EML6: variants seen among roughly 807,000 people sequenced by gnomAD.
EML6 encodes the protein EMAP like 6, also known as echinoderm microtubule-associated protein-like 6.
A neutral mutation model predicts 240.1 loss-of-function variants in EML6; 154 were observed. The observed-to-expected ratio is 0.64, with a 90% confidence interval of 0.56 to 0.73. EML6 has a LOEUF of 0.73. Ranked by LOEUF, EML6 falls within the 30% of genes least tolerant of loss-of-function variation. The pLI is 0.00. For missense variants in EML6, 2,964 were observed against 2,474.6 expected (o/e 1.20, Z -4.20); for synonymous variants, 1,148 against 899.0 (o/e 1.28, Z -4.95).
intron 16 of EML6, 73 bp downstream of exon 16, chr2:54,871,678 C>A: frequency 9.5e-7 from 1 of 1,051,542 alleles, no homozygotes; most frequent in Non-Finnish European, 1.4e-6. Context: ...ATGCCCCGCG[C>A]ATGCGCGCAC....
chr2:54,836,612 A>G (rs1020882674), intron 7 of EML6, among the ~76,000 whole-genome samples: 1 of 151,932 alleles, frequency 6.6e-6, no homozygotes, highest in African/African-American at 2.4e-5. Context: ...TACACACTCT[A>G]CACACAGGAT....
intron 5 of EML6, among the ~76,000 whole-genome samples, chr2:54,823,920 C>T (rs1668463577): frequency 6.8e-6 from 1 of 148,134 alleles, no homozygotes. Flanking sequence ...TCACTACCTC[C>T]TAAATTAAAG....
chr2:54,816,321 T>TG (rs1668080652), intron 3 of EML6, among the ~76,000 whole-genome samples: 2 of 152,342 alleles, frequency 1.3e-5, no homozygotes, highest in East Asian at 1.9e-4. Flanking sequence ...TAAATGTTTG[T>TG]GAAATTATAG....
intron 7 of EML6, among the ~76,000 whole-genome samples, chr2:54,834,768 C>T (rs1164399102): frequency 2.0e-5 from 3 of 152,204 alleles, no homozygotes; most frequent in African/African-American, 7.2e-5. Flanking sequence ...ATGAGATGCC[C>T]TGCTTAGACT....
chr2:54,887,954 A>G (rs746285786), intron 17 of EML6, among the ~76,000 whole-genome samples: 3 of 152,180 alleles, frequency 2.0e-5, no homozygotes, highest in Non-Finnish European at 4.4e-5. Flanking sequence ...ATTAGCATTC[A>G]CTTGTTTTGT....
intron 28 of EML6, among the ~76,000 whole-genome samples, chr2:54,940,032 A>G (rs763851897): frequency 1.1e-4 from 16 of 152,202 alleles, no homozygotes; most frequent in Non-Finnish European, 1.9e-4. Context: ...CTGTCAATCT[A>G]TGGCATATGT....
At chr2:54,937,953 G>A (rs529796534) in intron 28 of EML6, among the ~76,000 whole-genome samples, 4 of 152,286 alleles carry the variant, frequency 2.6e-5, no homozygotes, top group South Asian at 2.1e-4. Context: ...CTCTTTATAC[G>A]TAAAGAGGTT....
chr2:54,937,056 G>A (rs1253725564), intron 28 of EML6, among the ~76,000 whole-genome samples: 2 of 150,680 alleles, frequency 1.3e-5, no homozygotes, highest in South Asian at 4.2e-4. Flanking sequence ...GAGGAGGGTG[G>A]ATCACCAGAG....
intron 10 of EML6, among the ~76,000 whole-genome samples, chr2:54,852,462 A>T (rs1024835143): frequency 6.6e-6 from 1 of 152,322 alleles, no homozygotes; most frequent in East Asian, 1.9e-4. Context: ...CAGGGGTGGC[A>T]TCATAATTTA....
chr2:54,888,773 G>A (rs1293065358), intron 17 of EML6, among the ~76,000 whole-genome samples: 1 of 152,156 alleles, frequency 6.6e-6, no homozygotes, highest in African/African-American at 2.4e-5. Flanking sequence ...CCTGCTGAAG[G>A]ACATCTATGT....
intron 2 of EML6, among the ~76,000 whole-genome samples, chr2:54,799,241 A>C (rs1472757373): frequency 6.6e-6 from 1 of 151,786 alleles, no homozygotes; most frequent in Non-Finnish European, 1.5e-5. Flanking sequence ...TTGTATTTTT[A>C]GTAGAGAAGG....
intron 2 of EML6, among the ~76,000 whole-genome samples, chr2:54,753,176 A>C (rs1179793637): frequency 1.3e-5 from 2 of 152,204 alleles, no homozygotes; most frequent in Non-Finnish European, 2.9e-5. Flanking sequence ...TCTTGCCAAG[A>C]CTTGGTATTG....
intron 2 of EML6, among the ~76,000 whole-genome samples, chr2:54,730,134 C>A (rs779650434): frequency 2.0e-5 from 3 of 149,632 alleles, no homozygotes; most frequent in Non-Finnish European, 4.4e-5. Context: ...GAGGCCCTGT[C>A]TCAAGAAAAA....
At chr2:54,822,999 T>A (rs1205539561) in intron 5 of EML6, among the ~76,000 whole-genome samples, 1 of 152,184 alleles carries the variant, frequency 6.6e-6, no homozygotes. Flanking sequence ...CTAGGTAGTT[T>A]GCTTTATTAG....
At chr2:54,907,230 G>C (rs1673370756) in intron 24 of EML6, among the ~76,000 whole-genome samples, 1 of 152,198 alleles carries the variant, frequency 6.6e-6, no homozygotes, top group Admixed American at 6.5e-5. Flanking sequence ...CAATTTGAAG[G>C]CTGGGTGCGG....
intron 17 of EML6, among the ~76,000 whole-genome samples, chr2:54,885,682 G>T (rs1325211780): frequency 6.6e-6 from 1 of 151,956 alleles, no homozygotes; most frequent in Non-Finnish European, 1.5e-5. Context: ...CGCTATCTCG[G>T]CTCACTGCAA....
chr2:54,734,780 G>A (rs1191247808), intron 2 of EML6, among the ~76,000 whole-genome samples: 1 of 152,220 alleles, frequency 6.6e-6, no homozygotes, highest in African/African-American at 2.4e-5. Context: ...AAGGTTTCAC[G>A]AGTGAACCGT....
intron 2 of EML6, among the ~76,000 whole-genome samples, chr2:54,749,633 A>G (rs1848924): frequency 0.35 from 52,931 of 152,026 alleles, 10,672 homozygotes; most frequent in Middle Eastern, 0.48. Flanking sequence ...ACATTACCTT[A>G]TTTAATGCTC....
intron 2 of EML6, among the ~76,000 whole-genome samples, chr2:54,748,788 C>G (rs557629265): frequency 1.6e-4 from 24 of 152,208 alleles, no homozygotes; most frequent in Admixed American, 7.8e-4. Flanking sequence ...GGCTCAAACT[C>G]CTGGCATCAA....
Sources: gnomAD v4.1 joint callset for allele counts (sites outside exome capture counted in the v4.1 genomes callset) on GRCh38, gnomAD v4.1.1 for gene constraint, MANE v1.5 for transcripts, NCBI Gene and HGNC (gene_info 2026-07-23, HGNC 2026-07-21) for gene names.